The following WSCD2 variants were observed in gnomAD, a reference collection of about 807,000 sequenced individuals.
The protein encoded by WSCD2 is WSC domain sialate O sulfotransferase 2.
In WSCD2, 28 loss-of-function variants were observed where a neutral mutation model predicts 55.7. The observed-to-expected ratio is 0.50, with a 90% confidence interval of 0.37 to 0.69. WSCD2 has a LOEUF of 0.69. WSCD2 is among the 30% of genes least tolerant of loss of function. The pLI is 0.00. For synonymous variants in WSCD2, 301 were observed against 301.9 expected (o/e 1.00, Z 0.03); for missense variants, 616 against 762.1 (o/e 0.81, Z 2.26).
Position 108,206,389 on chromosome 12 carries a change from C to A in WSCD2, c.483C>A (p.Asp161Glu). ...YKKMTIFRCQ[D>E]NCAERGYLYG... ...AGATGACCATCTTCCGTTGCCAGGA[C>A]AACTGTGCTGAACGGTAGGGTCCCA... The change falls in exon 3 of 9, where the codon GAC (aspartate) becomes GAA (glutamate). Residue 161 changes from aspartate to glutamate, a missense_variant. Around this residue, in one of 3 missense-constraint regions of WSCD2, gnomAD observed 374 missense variants for 467.4 expected, o/e 0.80. Transcript: ENST00000547525. 3 of 1,614,222 alleles carry A rather than the reference C, an allele frequency of 1.9e-6. No homozygotes were observed.
chr12:108,131,030 G>A (rs1239540517), intron 1 of WSCD2, among the ~76,000 whole-genome samples: 2 of 152,240 alleles, frequency 1.3e-5, no homozygotes, highest in Non-Finnish European at 2.9e-5. Context: ...TGCCTCTGCG[G>A]AGTAGCATTG....
intron 1 of WSCD2, among the ~76,000 whole-genome samples, chr12:108,176,366 GTCTT>G (rs1880869269): frequency 6.6e-6 from 1 of 152,054 alleles, no homozygotes. Flanking sequence ...GTTTTGTGTT[GTCTT>G]TCTTTTCTGC....
At chr12:108,185,145 C>T (rs1356020236) in intron 1 of WSCD2, among the ~76,000 whole-genome samples, 1 of 152,330 alleles carries the variant, frequency 6.6e-6, no homozygotes, top group Admixed American at 6.5e-5. Context: ...ATTCTAAATC[C>T]TCCCACAAGC....
intron 1 of WSCD2, among the ~76,000 whole-genome samples, chr12:108,156,634 A>T (rs1878538654): frequency 1.3e-5 from 2 of 152,234 alleles, no homozygotes; most frequent in Admixed American, 6.5e-5. Flanking sequence ...TGTGGGTATC[A>T]AGAAATCTAT....
chr12:108,151,315 A>G (rs980560325), intron 1 of WSCD2, among the ~76,000 whole-genome samples: 2 of 152,106 alleles, frequency 1.3e-5, no homozygotes, highest in African/African-American at 4.8e-5. Flanking sequence ...CTCCTCAATC[A>G]TGACAATAAA....
At position 108,210,181 on chromosome 12, in the gene WSCD2, G is replaced by A. The variant is rs1452420776; in HGVS notation, c.558G>A (p.Gln186=). 12 of 1,614,010 alleles carry A rather than the reference G, an allele frequency of 7.4e-6. No homozygotes were observed. The highest frequency in any genetic ancestry group is 2.7e-5 in the African/African-American group (2 of 74,918). The change falls in exon 4 of 9, where the codon CAG becomes CAA. Residue 186 remains glutamine (Q), a synonymous_variant. Transcript: ENST00000547525. The surrounding 1 kb of genome is among the most constrained non-coding windows in gnomAD (Gnocchi z 4.3). ...GAECYCGHKI[Q]ATNVSEAECD... ...AGTGCTACTGCGGCCACAAGATCCA[G>A]GCGACGAACGTGAGCGAGGCAGAGT... is the stretch of plus-strand genomic sequence containing the variant.
intron 1 of WSCD2, among the ~76,000 whole-genome samples, chr12:108,187,465 G>A (rs1882647825): frequency 6.6e-6 from 1 of 152,230 alleles, no homozygotes; most frequent in African/African-American, 2.4e-5. Context: ...GGTTAAGAGT[G>A]CAGGCCCCAG....
At chr12:108,209,751 C>A (rs1400337707) in intron 3 of WSCD2, among the ~76,000 whole-genome samples, 1 of 152,070 alleles carries the variant, frequency 6.6e-6, no homozygotes, top group African/African-American at 2.4e-5. Context: ...ACCCAGATCC[C>A]CCTGCCCCAT....
At chr12:108,153,556 A>G (rs1302188358) in intron 1 of WSCD2, among the ~76,000 whole-genome samples, 1 of 152,218 alleles carries the variant, frequency 6.6e-6, no homozygotes, top group Non-Finnish European at 1.5e-5. Flanking sequence ...GGGATGGTGC[A>G]GCACCCCAGA....
At chr12:108,170,744 C>T (rs1378345419) in intron 1 of WSCD2, among the ~76,000 whole-genome samples, 2 of 152,180 alleles carry the variant, frequency 1.3e-5, no homozygotes, top group African/African-American at 4.8e-5. Flanking sequence ...CCCACTTGAT[C>T]CTCCTGTCAA....
intron 4 of WSCD2, among the ~76,000 whole-genome samples, chr12:108,218,740 C>T (rs1887130171): frequency 6.6e-6 from 1 of 152,210 alleles, no homozygotes; most frequent in Non-Finnish European, 1.5e-5. Flanking sequence ...TACCCACAGT[C>T]AGACATGCAC....
At chr12:108,173,810 CTGTGTGTGTGTGTGTGTGTG>C (rs113409001) in intron 1 of WSCD2, among the ~76,000 whole-genome samples, 2 of 131,144 alleles carry the variant, frequency 1.5e-5, no homozygotes, top group South Asian at 5.1e-4. Flanking sequence ...TCCTGGCTCT[CTGTGTGTGTGTGTGTGTGTG>C]TGTGTGTGTG....
chr12:108,222,223 A>G (rs1887608590), intron 4 of WSCD2, among the ~76,000 whole-genome samples: 1 of 152,198 alleles, frequency 6.6e-6, no homozygotes, highest in Non-Finnish European at 1.5e-5. Context: ...AGACCCAGAC[A>G]CCGCTACAGA....
Position 108,152,973 on chromosome 12 carries a change from G to A in WSCD2, c.-552+23047G>A, listed in dbSNP as rs141862941. 2.2e-3 allele frequency among the ~76,000 whole-genome samples: 328 copies of A among 152,196 alleles called. 1 individual carries two copies. The highest frequency in any genetic ancestry group is 7.3e-3 in the African/African-American group (302 of 41,528). On this transcript the variant is annotated intron_variant, in intron 1 of 8. Coordinates refer to ENST00000547525, the MANE Select transcript of WSCD2 (RefSeq NM_014653.4). ...ACAAAAATTAGCCAGGTGTGGTGGTGCACACCTATAACCCCAGCTACTTGA... is the reference window on the plus strand; with the variant it reads ...ACAAAAATTAGCCAGGTGTGGTGGTACACACCTATAACCCCAGCTACTTGA...
chr12:108,182,464 G>A (rs1881906869), intron 1 of WSCD2, among the ~76,000 whole-genome samples: 2 of 152,176 alleles, frequency 1.3e-5, no homozygotes, highest in Non-Finnish European at 2.9e-5. Context: ...TCTGAGACAG[G>A]TCTCAATCAG....
intron 1 of WSCD2, among the ~76,000 whole-genome samples, chr12:108,134,836 A>C (rs1037811680): frequency 6.6e-6 from 1 of 152,152 alleles, no homozygotes; most frequent in African/African-American, 2.4e-5. Context: ...CTTTGTATTC[A>C]TCTAGTCTTC....
chr12:108,242,037 C>G (rs1427430444), intron 8 of WSCD2, among the ~76,000 whole-genome samples: 1 of 152,174 alleles, frequency 6.6e-6, no homozygotes, highest in Admixed American at 6.5e-5. Flanking sequence ...CCAGAGCCCC[C>G]GACACATAGC....
intron 1 of WSCD2, among the ~76,000 whole-genome samples, chr12:108,179,043 T>C (rs1245473956): frequency 6.6e-6 from 1 of 152,234 alleles, no homozygotes. Context: ...GGCTGGCCTT[T>C]AAGTCAAGGT....
intron 1 of WSCD2, among the ~76,000 whole-genome samples, chr12:108,183,159 G>A (rs559754876): frequency 2.6e-5 from 4 of 152,314 alleles, no homozygotes; most frequent in South Asian, 2.1e-4. Context: ...AACTCTGGTC[G>A]TGACTTTTCA....
Sources: allele counts gnomAD v4.1 joint callset (sites outside exome capture counted in the v4.1 genomes callset), GRCh38; gene constraint gnomAD v4.1.1; regional missense constraint gnomAD v4.1.1; non-coding constraint Gnocchi (gnomAD v3.1); transcripts MANE v1.5; gene names NCBI Gene and HGNC (gene_info 2026-07-23, HGNC 2026-07-21).